GNAI3: variants seen among roughly 807,000 people sequenced by gnomAD.
The protein encoded by GNAI3 is G protein subunit alpha i3.
A neutral mutation model predicts 41.8 loss-of-function variants in GNAI3; 12 were observed. The observed-to-expected ratio is 0.29, with a 90% confidence interval of 0.18 to 0.47. The LOEUF (loss-of-function observed/expected upper bound fraction) is 0.47. Ranked by LOEUF, GNAI3 falls within the 20% of genes least tolerant of loss-of-function variation. The pLI, the probability that GNAI3 is intolerant of heterozygous loss-of-function variation, is 1.00. For synonymous variants in GNAI3, 132 were observed against 146.5 expected (o/e 0.90, Z 0.71); for missense variants, 360 against 429.6 (o/e 0.84, Z 1.43).
chr1:109,548,732 G>C lies in GNAI3; in HGVS notation c.12G>C (p.Thr4=). ...CTCCCGCCGCCGCCATGGGCTGCAC[G>C]TTGAGCGCCGAAGACAAGGCGGCAG... is the stretch of plus-strand genomic sequence containing the variant. MGC[T]LSAEDKAAVE... The change falls in exon 1 of 9, where the codon ACG becomes ACC. Residue 4 remains threonine, a synonymous_variant. Transcript: ENST00000369851. 6.2e-7 allele frequency: 1 copy of C among 1,612,880 alleles called. No individual in the cohort carries two copies. Among genetic ancestry groups the C allele is most frequent in the Non-Finnish European group, 8.5e-7 (1 of 1,179,130 alleles).
chr1:109,588,775 C>G (rs1649097991), intron 7 of GNAI3, among the ~76,000 whole-genome samples: 1 of 152,044 alleles, frequency 6.6e-6, no homozygotes, highest in Non-Finnish European at 1.5e-5. Context: ...CGCCTGTAAT[C>G]CCAGCTACTC....
chr1:109,563,179 C>T (rs370721561), intron 1 of GNAI3, among the ~76,000 whole-genome samples: 2 of 152,242 alleles, frequency 1.3e-5, no homozygotes, highest in South Asian at 2.1e-4. Context: ...CTCAGGAGTT[C>T]GAGACTAGCC....
chr1:109,572,024 T>C (rs547790907), intron 1 of GNAI3, among the ~76,000 whole-genome samples: 1 of 152,140 alleles, frequency 6.6e-6, no homozygotes, highest in East Asian at 1.9e-4. Context: ...ATTCAGAAAC[T>C]GGGTTGGGTG....
At chr1:109,574,954 G>T (rs1237970931) in intron 3 of GNAI3, among the ~76,000 whole-genome samples, 3 of 152,202 alleles carry the variant, frequency 2.0e-5, no homozygotes, top group Admixed American at 6.5e-5. Context: ...TTGATAAAAA[G>T]ATAGGAAATT....
chr1:109,566,671 C>T (rs1035741505), intron 1 of GNAI3, among the ~76,000 whole-genome samples: 2 of 152,204 alleles, frequency 1.3e-5, no homozygotes, highest in African/African-American at 2.4e-5. Context: ...AAGCGATTCT[C>T]CTGCCTCAGC....
At chr1:109,577,012 T>C (rs903440143) in intron 3 of GNAI3, among the ~76,000 whole-genome samples, 5 of 58,056 alleles carry the variant, frequency 8.6e-5, no homozygotes, top group African/African-American at 3.6e-4. Flanking sequence ...ATGGTTTTTT[T>C]CTGTTTTTTT....
intron 7 of GNAI3, among the ~76,000 whole-genome samples, chr1:109,590,593 TG>T (rs1649147532): frequency 6.6e-6 from 1 of 151,912 alleles, no homozygotes. Context: ...TTTTTTTTTT[TG>T]AGACAGTGTC....
At chr1:109,589,060 C>T (rs1025492579) in intron 7 of GNAI3, among the ~76,000 whole-genome samples, 7 of 152,072 alleles carry the variant, frequency 4.6e-5, no homozygotes, top group African/African-American at 1.7e-4. Context: ...GAAATAATAT[C>T]TCATGGACAG....
intron 1 of GNAI3, among the ~76,000 whole-genome samples, chr1:109,559,844 C>A (rs1648261932): frequency 6.6e-6 from 1 of 152,122 alleles, no homozygotes; most frequent in Admixed American, 6.5e-5. Context: ...TTCTGTAATT[C>A]AAGCTGTTTG....
intron 7 of GNAI3, among the ~76,000 whole-genome samples, chr1:109,590,720 G>A (rs1649152143): frequency 6.6e-6 from 1 of 151,758 alleles, no homozygotes; most frequent in Non-Finnish European, 1.5e-5. Context: ...CCACCACCAG[G>A]CCTAGCTAAT....
chr1:109,587,441 T>A (rs1649056483), intron 7 of GNAI3, among the ~76,000 whole-genome samples: 1 of 152,224 alleles, frequency 6.6e-6, no homozygotes, highest in South Asian at 2.1e-4. Context: ...TAGAAGTGGT[T>A]ACTTCTGATG....
chr1:109,579,268 TAGC>T lies in GNAI3; in HGVS notation c.371_373del (p.Ala124del), dbSNP rs1226538705. The T allele has an allele frequency of 6.2e-7, 1 of 1,611,464 alleles. No individual in the cohort carries two copies. The highest frequency in any genetic ancestry group is 8.5e-7 in the Non-Finnish European group (1 of 1,177,682). On this transcript the variant is annotated inframe_deletion, in exon 4 of 9. Coordinates refer to ENST00000369851, the MANE Select transcript of GNAI3 (RefSeq NM_006496.4). ...GAAGAAGGAGTCATGACTCCAGAAC[TAGC>T]AGGAGTGATTAAACGGTTATGGCGA... is the stretch of plus-strand genomic sequence containing the variant.
At chr1:109,556,057 T>G (rs574504298) in intron 1 of GNAI3, among the ~76,000 whole-genome samples, 2 of 139,478 alleles carry the variant, frequency 1.4e-5, no homozygotes, top group Admixed American at 6.8e-5. Flanking sequence ...TTTTTTTTTT[T>G]GTTGAGTCTT....
intron 1 of GNAI3, among the ~76,000 whole-genome samples, chr1:109,555,981 TG>T (rs1557902177): frequency 1.3e-5 from 2 of 149,902 alleles, no homozygotes; most frequent in Non-Finnish European, 1.5e-5. Flanking sequence ...TGTGTGTGTG[TG>T]TGTGTGTGTG....
chr1:109,561,791 T>A (rs1187545383), intron 1 of GNAI3, among the ~76,000 whole-genome samples: 4 of 152,226 alleles, frequency 2.6e-5, no homozygotes, highest in Non-Finnish European at 4.4e-5. Flanking sequence ...AAATGGGCTT[T>A]GAAAATTAAA....
chr1:109,586,356 G>A lies in GNAI3; in HGVS notation c.720+11G>A, dbSNP rs746712152. 5.6e-6 allele frequency: 9 copies of A among 1,607,236 alleles called. No homozygotes were observed. Among genetic ancestry groups the A allele is most frequent in the Admixed American group, 1.7e-5 (1 of 58,622 alleles). On this transcript the variant is annotated intron_variant, in intron 6 of 8. Coordinates refer to ENST00000369851, the MANE Select transcript of GNAI3 (RefSeq NM_006496.4). ...GAGGACGAGGAGATGGTATGTTGGA[G>A]CTTCTGGTAAAAAGCCTGTCTAATG...
rs769210101 is a variant in GNAI3, at chr1:109,548,705, C to G, written c.-16C>G. On this transcript the variant is annotated 5_prime_UTR_variant, in exon 1 of 9. Transcript: ENST00000369851. ...GTGAGTGAGTCCGGGCCCGTGTCCC[C>G]TCTCCCGCCGCCGCCATGGGCTGCA... 2 of 1,590,484 alleles carry G rather than the reference C, an allele frequency of 1.3e-6. No homozygotes were observed. Among genetic ancestry groups the G allele is most frequent in the Admixed American group, 1.7e-5 (1 of 59,764 alleles).
chr1:109,560,706 A>G (rs1466661835), intron 1 of GNAI3, among the ~76,000 whole-genome samples: 5 of 152,212 alleles, frequency 3.3e-5, no homozygotes, highest in African/African-American at 1.2e-4. Flanking sequence ...ATGCACCACT[A>G]TGCTAGGCTA....
chr1:109,570,485 C>A (rs552763504), intron 1 of GNAI3, among the ~76,000 whole-genome samples: 29 of 152,182 alleles, frequency 1.9e-4, no homozygotes, highest in African/African-American at 6.7e-4. Context: ...GCTAATCTGT[C>A]ATGTGAAGAA....
Sources: gnomAD v4.1 joint callset for allele counts (sites outside exome capture counted in the v4.1 genomes callset) on GRCh38, gnomAD v4.1.1 for gene constraint, MANE v1.5 for transcripts, NCBI Gene and HGNC (gene_info 2026-07-23, HGNC 2026-07-21) for gene names.